MLIP: variants seen among roughly 807,000 people sequenced by gnomAD.
MLIP encodes the protein muscular LMNA interacting protein.
Under a neutral mutation model 84.8 loss-of-function variants are expected in MLIP, and 79 were observed. That is an observed-to-expected ratio of 0.93 (90% CI 0.78 to 1.12). The LOEUF (loss-of-function observed/expected upper bound fraction) is 1.12, where lower values mean the gene tolerates loss of function less well. Among genes scored for constraint, MLIP ranks in the 50% most tolerant of loss-of-function variants. The pLI is 0.00. For missense variants in MLIP, 1,257 were observed against 1,160.6 expected, an observed-to-expected ratio of 1.08 and a Z score of -1.21; for synonymous variants, 504 against 463.0, an observed-to-expected ratio of 1.09 and a Z score of -1.14.
chr6:54,037,624 C>T (rs911106511), intron 1 of MLIP, among the ~76,000 whole-genome samples: 18 of 151,868 alleles, frequency 1.2e-4, no homozygotes, highest in Non-Finnish European at 4.4e-5. Flanking sequence ...GTCTGCTAGT[C>T]TTTGGGAGGT....
chr6:54,059,718 A>G (rs1233501839), intron 1 of MLIP, among the ~76,000 whole-genome samples: 1 of 152,158 alleles, frequency 6.6e-6, no homozygotes, highest in African/African-American at 2.4e-5. Flanking sequence ...TATTATTGGT[A>G]TATCTAAAGG....
chr6:54,127,122 G>A (rs1770984996), intron 3 of MLIP, among the ~76,000 whole-genome samples: 1 of 152,084 alleles, frequency 6.6e-6, no homozygotes. Flanking sequence ...GATAATTTAA[G>A]CTCAGTTCAA....
intron 11 of MLIP, among the ~76,000 whole-genome samples, chr6:54,222,578 A>T (rs961938746): frequency 6.6e-6 from 1 of 152,020 alleles, no homozygotes. Context: ...TTAATATTCC[A>T]TTATATGTAT....
At chr6:54,223,655 T>C (rs1368170656) in intron 11 of MLIP, among the ~76,000 whole-genome samples, 4 of 152,100 alleles carry the variant, frequency 2.6e-5, no homozygotes, top group African/African-American at 4.8e-5. Flanking sequence ...CAAAATGTGA[T>C]ACCTTCAAAA....
chr6:54,187,436 T>C (rs1777503814), intron 9 of MLIP, among the ~76,000 whole-genome samples: 1 of 152,188 alleles, frequency 6.6e-6, no homozygotes, highest in African/African-American at 2.4e-5. Flanking sequence ...AAAAATACCA[T>C]ATAAATATAT....
chr6:54,127,049 G>T (rs1217918957), intron 3 of MLIP, among the ~76,000 whole-genome samples: 1 of 152,000 alleles, frequency 6.6e-6, no homozygotes, highest in Admixed American at 6.5e-5. Flanking sequence ...CTGAGCCCTT[G>T]ATTCCTCTGG....
rs1448142283 is a variant in MLIP, at chr6:54,136,711, C to G, written c.646-4C>G. 4.1e-6 allele frequency: 6 copies of G among 1,467,132 alleles called. No homozygotes were observed. The highest frequency in any genetic ancestry group is 4.5e-6 in the Non-Finnish European group (5 of 1,108,702). The allele number at this position is 1,467,132 out of a possible 1,614,324, so 90.9% of individuals were successfully genotyped here. Reference sequence around the variant, plus strand: ...TTCAATCTGTCTATTTCTCTTTCCTCTAGTTAACTTCTTCTCCCACTACCT... The same window carrying G: ...TTCAATCTGTCTATTTCTCTTTCCTGTAGTTAACTTCTTCTCCCACTACCT... On this transcript the variant is annotated splice_polypyrimidine_tract_variant and splice_region_variant and intron_variant, in intron 3 of 13. Coordinates refer to ENST00000502396, the MANE Select transcript of MLIP (RefSeq NM_001281747.2).
At chr6:54,192,146 C>G (rs1490143430) in intron 10 of MLIP, among the ~76,000 whole-genome samples, 2 of 151,920 alleles carry the variant, frequency 1.3e-5, no homozygotes. Flanking sequence ...CTTTGAATGA[C>G]TTTTATAATA....
intron 1 of MLIP, among the ~76,000 whole-genome samples, chr6:54,038,085 T>C (rs1267832292): frequency 6.6e-6 from 1 of 151,934 alleles, no homozygotes; most frequent in East Asian, 1.9e-4. Flanking sequence ...GGTCCTAACA[T>C]GTGGTATGAG....
intron 9 of MLIP, among the ~76,000 whole-genome samples, chr6:54,185,450 T>G (rs986596931): frequency 7.2e-5 from 11 of 152,200 alleles, no homozygotes; most frequent in African/African-American, 2.7e-4. Flanking sequence ...TATGTCATGA[T>G]TCCCAATGAA....
intron 11 of MLIP, among the ~76,000 whole-genome samples, chr6:54,213,938 T>C (rs987555666): frequency 6.6e-6 from 1 of 152,132 alleles, no homozygotes; most frequent in Non-Finnish European, 1.5e-5. Context: ...AACAAAGATA[T>C]GGTACTTTGA....
At chr6:54,169,676 T>C (rs1775574322) in intron 9 of MLIP, 104 bp downstream of exon 9, 1 of 677,724 alleles carries the variant, frequency 1.5e-6, no homozygotes, top group Non-Finnish European at 2.2e-6. Flanking sequence ...TAATTGTTTT[T>C]TTATAAGTTG....
At chr6:54,221,856 T>G (rs894395793) in intron 11 of MLIP, among the ~76,000 whole-genome samples, 5 of 151,918 alleles carry the variant, frequency 3.3e-5, no homozygotes, top group Non-Finnish European at 7.4e-5. Context: ...TACATTAAGC[T>G]AAAAAAGAAA....
At position 54,182,817 on chromosome 6, in the gene MLIP, GT is replaced by G. The variant is rs539066163; in HGVS notation, c.2545-7052del. Among the ~76,000 whole-genome samples the G allele has an allele frequency of 3.1e-3, 472 of 152,128 alleles. 3 individuals carry two copies. Among genetic ancestry groups the G allele is most frequent in the Non-Finnish European group, 4.1e-3 (282 of 67,988 alleles). On this transcript the variant is annotated intron_variant, in intron 9 of 13. Coordinates refer to ENST00000502396, the MANE Select transcript of MLIP (RefSeq NM_001281747.2). Reference sequence around the variant, plus strand: ...ACCTCTGAAAATAGGGTAGTATTTGGTCCTATTACTAATGCATCAAAAAACT... The same window carrying G: ...ACCTCTGAAAATAGGGTAGTATTTGGCCTATTACTAATGCATCAAAAAACT...
chr6:54,195,033 A>G (rs1217875485), intron 10 of MLIP, among the ~76,000 whole-genome samples: 2 of 152,054 alleles, frequency 1.3e-5, no homozygotes, highest in Non-Finnish European at 2.9e-5. Flanking sequence ...TAAATAATCT[A>G]GAGAATATTG....
At chr6:54,126,417 GGTTATAGTTCAT>G (rs536835388) in intron 3 of MLIP, among the ~76,000 whole-genome samples, 161 of 152,032 alleles carry the variant, frequency 1.1e-3, no homozygotes, top group Non-Finnish European at 1.9e-3. Flanking sequence ...TTTAGGAGCA[GGTTATAGTTCAT>G]GTTATTAGAG....
intron 11 of MLIP, among the ~76,000 whole-genome samples, chr6:54,203,410 T>G (rs970845297): frequency 2.0e-5 from 3 of 151,974 alleles, no homozygotes; most frequent in Non-Finnish European, 4.4e-5. Context: ...TAAGGTGTTA[T>G]GCTCTTTTTA....
intron 12 of MLIP, among the ~76,000 whole-genome samples, chr6:54,235,237 T>C (rs1007652201): frequency 2.0e-5 from 3 of 152,220 alleles, no homozygotes; most frequent in Admixed American, 1.3e-4. Flanking sequence ...TTTACTTTAC[T>C]TAAACTGATT....
intron 13 of MLIP, among the ~76,000 whole-genome samples, chr6:54,259,581 C>T (rs1360674894): frequency 6.6e-6 from 1 of 151,720 alleles, no homozygotes; most frequent in Non-Finnish European, 1.5e-5. Flanking sequence ...TTTTTTCACA[C>T]CAATTATCAC....
Sources: allele counts gnomAD v4.1 joint callset (sites outside exome capture counted in the v4.1 genomes callset), GRCh38; gene constraint gnomAD v4.1.1; transcripts MANE v1.5; gene names NCBI Gene and HGNC (gene_info 2026-07-23, HGNC 2026-07-21).